WDR26: variants seen among roughly 807,000 people sequenced by gnomAD.
WDR26 encodes the protein WD repeat-containing protein 26.
A neutral mutation model predicts 84.1 loss-of-function variants in WDR26; 5 were observed. The ratio of observed to expected loss-of-function variants is 0.06; its 90% CI spans 0.03 to 0.13. The LOEUF (loss-of-function observed/expected upper bound fraction) is 0.13. Among genes scored for constraint, WDR26 ranks in the 10% least tolerant of loss-of-function variants. The probability of loss-of-function intolerance (pLI) is 1.00; values close to 1 mark genes in which losing one functional copy is unlikely to be tolerated. For synonymous variants in WDR26, 415 were observed against 389.6 expected (o/e 1.07, Z -0.77); for missense variants, 642 against 974.9 (o/e 0.66, Z 4.55).
At chr1:224,416,559 T>C (rs1238847468) in intron 6 of WDR26, among the ~76,000 whole-genome samples, 1 of 152,202 alleles carries the variant, frequency 6.6e-6, no homozygotes, top group African/African-American at 2.4e-5. Flanking sequence ...TATGAGAGCT[T>C]GGTCCCTGAC....
intron 7 of WDR26, among the ~76,000 whole-genome samples, chr1:224,407,151 A>AAAATAT: frequency 1.7e-4 from 2 of 11,876 alleles, no homozygotes; most frequent in African/African-American, 3.9e-4. Context: ...AAAAAAAAAA[A>AAAATAT]ATATATATAT....
intron 3 of WDR26, chr1:224,429,159 G>C (rs1380163985): frequency 2.0e-5 from 3 of 152,154 alleles, no homozygotes; most frequent in African/African-American, 4.8e-5. Context: ...CTACTTCGGA[G>C]GCTGAGGCAG....
chr1:224,400,915 CA>C, intron 9 of WDR26, 34 bp downstream of exon 9: 1 of 1,602,264 alleles, frequency 6.2e-7, no homozygotes, highest in Middle Eastern at 1.7e-4. Context: ...GCTTTTAAAC[CA>C]ACAGATACTG....
chr1:224,432,766 G>C (rs913187221), intron 1 of WDR26, among the ~76,000 whole-genome samples: 1 of 152,158 alleles, frequency 6.6e-6, no homozygotes, highest in Non-Finnish European at 1.5e-5. Context: ...GACTGCTGCT[G>C]CACGTCCTCC....
intron 3 of WDR26, 87 bp from the exon 4 acceptor site, chr1:224,424,741 A>G (rs748060564): frequency 6.6e-7 from 1 of 1,518,814 alleles, no homozygotes; most frequent in Non-Finnish European, 9.1e-7. Flanking sequence ...AGTAGAAACC[A>G]TTCTACTATG....
At chr1:224,413,043 G>C in intron 6 of WDR26, 1 of 160,422 alleles carries the variant, frequency 6.2e-6, no homozygotes, top group South Asian at 1.7e-4. Flanking sequence ...ACAAAAATTA[G>C]TCGGGTGTGG....
At chr1:224,412,743 T>C (rs1383458706) in intron 6 of WDR26, among the ~76,000 whole-genome samples, 4 of 152,236 alleles carry the variant, frequency 2.6e-5, no homozygotes, top group African/African-American at 7.2e-5. Flanking sequence ...CAAGTGGCTA[T>C]TGAACACTTG....
intron 8 of WDR26, among the ~76,000 whole-genome samples, chr1:224,401,698 A>AGG (rs1673423831): frequency 2.3e-5 from 1 of 43,170 alleles, no homozygotes; most frequent in African/African-American, 7.6e-5. Context: ...AAGAAAAAAA[A>AGG]AAAGAAAAAA....
At chr1:224,415,350 G>T (rs1319478049) in intron 6 of WDR26, among the ~76,000 whole-genome samples, 1 of 151,952 alleles carries the variant, frequency 6.6e-6, no homozygotes, top group East Asian at 1.9e-4. Flanking sequence ...CTAAGGCTCA[G>T]GAGATAAATT....
intron 7 of WDR26, among the ~76,000 whole-genome samples, chr1:224,408,437 A>C (rs1034112593): frequency 2.0e-5 from 3 of 152,198 alleles, no homozygotes; most frequent in East Asian, 3.8e-4. Flanking sequence ...TGGCTAAATG[A>C]AGGGGATTCT....
At position 224,434,610 on chromosome 1, in the gene WDR26, C is replaced by A; in HGVS notation, c.-205G>T. The A allele has an allele frequency of 4.0e-6, 2 of 505,684 alleles. No individual in the cohort carries two copies. The highest frequency in any genetic ancestry group is 5.0e-6 in the Non-Finnish European group (2 of 399,124). The allele number at this position is 505,684 out of a possible 1,614,324, so 31.3% of individuals were successfully genotyped here. A position where few individuals can be genotyped will look rare whatever the true frequency, so the allele number is the denominator to read the frequency against. ...CGGAGGCAGCTCGGGGTGCGCGGCC[C>A]GGGGGTCGCGCCGGGGGGCGCCGCG... On this transcript the variant is annotated 5_prime_UTR_variant, in exon 1 of 14. Coordinates refer to ENST00000414423, the MANE Select transcript of WDR26 (RefSeq NM_001379403.1).
chr1:224,425,283 T>C (rs1217365386), intron 3 of WDR26, among the ~76,000 whole-genome samples: 2 of 152,220 alleles, frequency 1.3e-5, no homozygotes, highest in South Asian at 4.1e-4. Context: ...AGCATAAGCT[T>C]GATGCACTCA....
intron 3 of WDR26, chr1:224,431,161 A>G: frequency 4.7e-6 from 1 of 214,594 alleles, no homozygotes; most frequent in South Asian, 7.3e-5. Context: ...CAGTATTTTA[A>G]GTAACATAAT....
intron 8 of WDR26, among the ~76,000 whole-genome samples, chr1:224,402,541 AG>A (rs142806021): frequency 3.7e-4 from 57 of 152,340 alleles, no homozygotes; most frequent in African/African-American, 1.3e-3. Context: ...TTTTAGAAGA[AG>A]TTTTAAGTAT....
intron 6 of WDR26, among the ~76,000 whole-genome samples, chr1:224,418,035 T>C (rs973057072): frequency 6.6e-6 from 1 of 152,172 alleles, no homozygotes; most frequent in Admixed American, 6.5e-5. Flanking sequence ...AACCTATAGA[T>C]AACGAAAAAC....
At position 224,404,569 on chromosome 1, in the gene WDR26, T is replaced by C. The variant is rs1391750598; in HGVS notation, c.1460A>G (p.Asp487Gly). The C allele has an allele frequency of 1.2e-6, 2 of 1,609,890 alleles. No individual in the cohort carries two copies. The highest frequency in any genetic ancestry group is 1.3e-5 in the African/African-American group (1 of 74,758). ...TTTAAGCAGTTTTAGCAGGTGTGTA[T>C]CCTGGGAGGGAAAATAAACAATTCA... is the stretch of plus-strand genomic sequence containing the variant. Residue 487 changes from aspartate (D) to glycine (G), a missense_variant and splice_region_variant, in exon 8 of 14, where the codon GAT (aspartate) becomes GGT (glycine). Asp to Gly is a moderately conservative substitution (Grantham distance 94). Transcript: ENST00000414423.
At chr1:224,420,074 C>T (rs1432062470) in intron 4 of WDR26, among the ~76,000 whole-genome samples, 1 of 152,144 alleles carries the variant, frequency 6.6e-6, no homozygotes, top group African/African-American at 2.4e-5. Context: ...ACTAGGCTAA[C>T]TTAACTACTT....
chr1:224,385,563 G>T lies in WDR26; in HGVS notation c.*4272C>A. ...TTATTACATACCAAAAGCTCTAAGT[G>T]TTAACTAGTTCCACCACAATGCCAT... On this transcript the variant is annotated 3_prime_UTR_variant, in exon 14 of 14. Coordinates refer to ENST00000414423, the MANE Select transcript of WDR26 (RefSeq NM_001379403.1). 6.5e-6 allele frequency: 1 copy of T among 152,746 alleles called. No homozygotes were observed. The allele number at this position is 152,746 out of a possible 1,614,324, so 9.5% of individuals were successfully genotyped here. A position where few individuals can be genotyped will look rare whatever the true frequency, so the allele number is the denominator to read the frequency against.
chr1:224,434,650 G>A lies in WDR26; in HGVS notation c.-245C>T, dbSNP rs1489925044. 1.2e-5 allele frequency: 9 copies of A among 729,178 alleles called. No homozygotes were observed. Among genetic ancestry groups the A allele is most frequent in the Admixed American group, 6.5e-5 (1 of 15,398 alleles). The allele number at this position is 729,178 out of a possible 1,614,324, so 45.2% of individuals were successfully genotyped here. On this transcript the variant is annotated 5_prime_UTR_variant, in exon 1 of 14. Transcript: ENST00000414423. ...GGGGCGCCGCGGGGCGGCTGCGGGG[G>A]CGCGGGGCCCGCCGCTGGGCTGAGC... is the stretch of plus-strand genomic sequence containing the variant.
Sources: allele counts gnomAD v4.1 joint callset (sites outside exome capture counted in the v4.1 genomes callset), GRCh38; gene constraint gnomAD v4.1.1; transcripts MANE v1.5; gene names NCBI Gene and HGNC (gene_info 2026-07-23, HGNC 2026-07-21).